Variants in SYNDIG1L observed in about 807,000 individuals in gnomAD.
SYNDIG1L encodes synapse differentiation-inducing gene protein 1-like.
In SYNDIG1L, 13 loss-of-function variants were observed where a neutral mutation model predicts 20.1. The ratio of observed to expected loss-of-function variants is 0.65; its 90% CI spans 0.42 to 1.03. SYNDIG1L has a LOEUF of 1.03. Among genes scored for constraint, SYNDIG1L ranks in the 50% least tolerant of loss-of-function variants. The pLI, the probability that SYNDIG1L is intolerant of heterozygous loss-of-function variation, is 0.00. For synonymous variants in SYNDIG1L, 128 were observed against 129.3 expected, an observed-to-expected ratio of 0.99 and a Z score of 0.07; for missense variants, 294 against 305.1, an observed-to-expected ratio of 0.96 and a Z score of 0.27.
the SYNDIG1L span, among the ~76,000 whole-genome samples, chr14:74,456,462 G>A: frequency 5.6e-4 from 85 of 152,222 alleles, no homozygotes; most frequent in African/African-American, 1.9e-3. Context: ...CCTGGGAGGG[G>A]GAGGTTGCAG....
At chr14:74,428,509 A>G (rs1323857142), upstream of SYNDIG1L, among the ~76,000 whole-genome samples, 2 of 152,238 alleles carry the variant, frequency 1.3e-5, no homozygotes, top group Non-Finnish European at 2.9e-5. Context: ...AGGAGCTGCA[A>G]TGAAGGGGAT....
chr14:74,442,799 G>C, the SYNDIG1L span, among the ~76,000 whole-genome samples: 1 of 152,322 alleles, frequency 6.6e-6, no homozygotes, highest in African/African-American at 2.4e-5. Context: ...ACAGGATTTT[G>C]TAAGAGATTA....
chr14:74,446,628 T>G, the SYNDIG1L span, among the ~76,000 whole-genome samples: 1 of 151,790 alleles, frequency 6.6e-6, no homozygotes, highest in African/African-American at 2.4e-5. Flanking sequence ...TTTTTTTTTT[T>G]TTCTTTTTGA....
upstream of SYNDIG1L, among the ~76,000 whole-genome samples, chr14:74,430,794 C>T (rs1416018238): frequency 6.6e-6 from 1 of 152,108 alleles, no homozygotes; most frequent in African/African-American, 2.4e-5. Context: ...GAGTCTTACT[C>T]TGTCACCCAG....
the SYNDIG1L span, among the ~76,000 whole-genome samples, chr14:74,459,791 A>G: frequency 7.2e-5 from 11 of 152,258 alleles, no homozygotes; most frequent in South Asian, 2.1e-3. Context: ...AGGCTGAGTC[A>G]TGGCACCAGC....
At chr14:74,452,274 G>A in the SYNDIG1L span, among the ~76,000 whole-genome samples, 9 of 152,128 alleles carry the variant, frequency 5.9e-5, no homozygotes, top group Non-Finnish European at 1.3e-4. Context: ...TACACTATTG[G>A]TGGGATTGTA....
the SYNDIG1L span, among the ~76,000 whole-genome samples, chr14:74,456,373 C>CA: frequency 1.3e-5 from 2 of 152,048 alleles, no homozygotes; most frequent in East Asian, 3.9e-4. Flanking sequence ...CTACTAAATA[C>CA]AAAAAAATTT....
At chr14:74,461,902 C>A in the SYNDIG1L span, among the ~76,000 whole-genome samples, 2 of 78,784 alleles carry the variant, frequency 2.5e-5, no homozygotes, top group South Asian at 4.7e-4. Context: ...GGCAACATGG[C>A]GAAACCCTAT....
At chr14:74,462,100 C>G in the SYNDIG1L span, among the ~76,000 whole-genome samples, 1 of 139,758 alleles carries the variant, frequency 7.2e-6, no homozygotes. Context: ...CAAAACAAAA[C>G]AAAAAACAAT....
chr14:74,422,669 A>ACACACACACACACACACACC (rs1179149502), intron 1 of SYNDIG1L, among the ~76,000 whole-genome samples: 6 of 150,604 alleles, frequency 4.0e-5, no homozygotes, highest in African/African-American at 1.5e-4. Context: ...ACACACACAC[A>ACACACACACACACACACACC]CACACACACA....
chr14:74,438,875 G>T, the SYNDIG1L span, among the ~76,000 whole-genome samples: 4 of 152,292 alleles, frequency 2.6e-5, no homozygotes, highest in Non-Finnish European at 5.9e-5. Flanking sequence ...CATTTTGCAG[G>T]TGAGGAAACT....
At chr14:74,470,756 G>A in the SYNDIG1L span, among the ~76,000 whole-genome samples, 4 of 152,326 alleles carry the variant, frequency 2.6e-5, no homozygotes, top group African/African-American at 9.6e-5. Flanking sequence ...CAGCGCAATA[G>A]TTTGTTAGGT....
At chr14:74,430,239 G>A (rs927118051), upstream of SYNDIG1L, among the ~76,000 whole-genome samples, 3 of 152,074 alleles carry the variant, frequency 2.0e-5, no homozygotes, top group East Asian at 3.9e-4. Context: ...CAGGCTGCTC[G>A]GGGCATGTGA....
the SYNDIG1L span, among the ~76,000 whole-genome samples, chr14:74,454,147 T>C: frequency 5.3e-5 from 8 of 152,226 alleles, no homozygotes; most frequent in African/African-American, 1.9e-4. Flanking sequence ...CCGAAGCCTA[T>C]GTTCTTTACA....
chr14:74,426,847 G>A (rs2086270743), upstream of SYNDIG1L, among the ~76,000 whole-genome samples: 1 of 151,714 alleles, frequency 6.6e-6, no homozygotes, highest in Non-Finnish European at 1.5e-5. Flanking sequence ...AAAGCTCATG[G>A]ACCTAAGTTT....
At chr14:74,449,250 GAAA>G in the SYNDIG1L span, among the ~76,000 whole-genome samples, 1 of 134,426 alleles carries the variant, frequency 7.4e-6, no homozygotes, top group Non-Finnish European at 1.6e-5. Context: ...AAGAAAAAAA[GAAA>G]AAAAAAAAGA....
At chr14:74,462,379 G>A in the SYNDIG1L span, among the ~76,000 whole-genome samples, 131 of 151,794 alleles carry the variant, frequency 8.6e-4, 1 homozygote, top group African/African-American at 3.1e-3. Flanking sequence ...AGCTACTTGG[G>A]AGGCTGAGTC....
At chr14:74,455,360 C>T in the SYNDIG1L span, among the ~76,000 whole-genome samples, 2 of 151,184 alleles carry the variant, frequency 1.3e-5, no homozygotes, top group African/African-American at 4.9e-5. Flanking sequence ...CTGGCTGGAG[C>T]AGAAGATGCC....
At chr14:74,453,222 C>T in the SYNDIG1L span, among the ~76,000 whole-genome samples, 6 of 151,722 alleles carry the variant, frequency 4.0e-5, no homozygotes, top group Non-Finnish European at 7.4e-5. Flanking sequence ...TGGCACATGC[C>T]TGTAATCACA....
Sources: allele counts gnomAD v4.1 joint callset (sites outside exome capture counted in the v4.1 genomes callset), GRCh38; gene constraint gnomAD v4.1.1; transcripts MANE v1.5; gene names NCBI Gene and HGNC (gene_info 2026-07-23, HGNC 2026-07-21).